Variants in SCFD2 observed in about 807,000 individuals in gnomAD.
SCFD2 encodes the protein sec1 family domain containing 2, also known as sec1 family domain-containing protein 2.
In SCFD2, 54 loss-of-function variants were observed where a neutral mutation model predicts 58.9. That is an observed-to-expected ratio of 0.92 (90% CI 0.74 to 1.15). The LOEUF (loss-of-function observed/expected upper bound fraction) is 1.15, where lower values mean the gene tolerates loss of function less well. SCFD2 is among the 50% of genes most tolerant of loss of function. The pLI, the probability that SCFD2 is intolerant of heterozygous loss-of-function variation, is 0.00. For synonymous variants in SCFD2, 321 were observed against 335.9 expected (o/e 0.96, Z 0.49); for missense variants, 805 against 836.6 (o/e 0.96, Z 0.47).
At position 53,122,064 on chromosome 4, in the gene SCFD2, T is replaced by A. The variant is rs1172232465; in HGVS notation, c.1561+23269A>T. 2.6e-5 allele frequency among the ~76,000 whole-genome samples: 4 copies of A among 152,254 alleles called. No homozygotes were observed. In the East Asian group the frequency reaches 7.7e-4, roughly 29 times the overall value. ...TAAACTTCCCCAGACTCACTCACTTTGATGCCAAGCAAAAAACATTCTGAA... is the reference window on the plus strand; with the variant it reads ...TAAACTTCCCCAGACTCACTCACTTAGATGCCAAGCAAAAAACATTCTGAA... On this transcript the variant is annotated intron_variant, in intron 5 of 8. Coordinates refer to ENST00000401642, the MANE Select transcript of SCFD2 (RefSeq NM_152540.4).
intron 1 of SCFD2, 75 bp from the exon 2 acceptor site, chr4:53,352,841 C>T: frequency 8.2e-7 from 1 of 1,219,710 alleles, no homozygotes; most frequent in Non-Finnish European, 1.2e-6. Flanking sequence ...TTTTATCACA[C>T]ACCTTCTATC....
chr4:52,880,779 G>A (rs746435952), intron 8 of SCFD2, among the ~76,000 whole-genome samples: 39 of 152,198 alleles, frequency 2.6e-4, no homozygotes, highest in Admixed American at 2.2e-3. Flanking sequence ...TGAGCTGGCC[G>A]TTCCCTGTAT....
chr4:53,003,039 C>T (rs1044603241), intron 5 of SCFD2, among the ~76,000 whole-genome samples: 3 of 152,314 alleles, frequency 2.0e-5, no homozygotes, highest in East Asian at 3.9e-4. Flanking sequence ...GGGGATGGTG[C>T]TAACCCATTC....
chr4:53,347,800 G>A lies in SCFD2; in HGVS notation c.1007+4798C>T, dbSNP rs60994495. ...ACATAATATTGTAGGCCATTGTGAG[G>A]TCTTGGCTTTCACCAAAAGGCATAC... is the stretch of plus-strand genomic sequence containing the variant. On this transcript the variant is annotated intron_variant, in intron 2 of 8. Transcript: ENST00000401642. Among the ~76,000 whole-genome samples, 932 of 152,304 alleles carry A rather than the reference G, an allele frequency of 6.1e-3. 11 individuals carry two copies. Among genetic ancestry groups the A allele is most frequent in the African/African-American group, 0.021 (881 of 41,564 alleles).
chr4:52,998,035 G>A (rs541716767), intron 5 of SCFD2, among the ~76,000 whole-genome samples: 1 of 152,274 alleles, frequency 6.6e-6, no homozygotes, highest in East Asian at 1.9e-4. Flanking sequence ...ACTTTTGAGT[G>A]GATGAAACCC....
chr4:53,332,450 A>T (rs1281798425), intron 2 of SCFD2, among the ~76,000 whole-genome samples: 1 of 152,074 alleles, frequency 6.6e-6, no homozygotes, highest in African/African-American at 2.4e-5. Flanking sequence ...AATATACGCA[A>T]ATCAATAAAT....
chr4:53,255,127 T>A (rs1730558627), intron 4 of SCFD2, among the ~76,000 whole-genome samples: 1 of 151,324 alleles, frequency 6.6e-6, no homozygotes, highest in Non-Finnish European at 1.5e-5. Context: ...CGCCTTGGCC[T>A]CCCAAAGTGC....
chr4:53,328,870 G>A (rs372064030), intron 2 of SCFD2, among the ~76,000 whole-genome samples: 7 of 152,350 alleles, frequency 4.6e-5, no homozygotes, highest in Admixed American at 2.0e-4. Flanking sequence ...GACAGTGGGC[G>A]CAGGTCAGTG....
intron 3 of SCFD2, among the ~76,000 whole-genome samples, chr4:53,301,635 A>G (rs1180302014): frequency 1.3e-5 from 2 of 152,228 alleles, no homozygotes; most frequent in Non-Finnish European, 2.9e-5. Flanking sequence ...AAAGCCTGGC[A>G]GAGACACAAC....
chr4:52,899,146 T>A (rs1405695251), intron 7 of SCFD2, among the ~76,000 whole-genome samples: 1 of 152,266 alleles, frequency 6.6e-6, no homozygotes, highest in Non-Finnish European at 1.5e-5. Context: ...GTAGCCCATT[T>A]ACATTTAAGG....
At chr4:53,239,198 A>G (rs981684019) in intron 4 of SCFD2, among the ~76,000 whole-genome samples, 13 of 151,814 alleles carry the variant, frequency 8.6e-5, no homozygotes, top group African/African-American at 3.1e-4. Flanking sequence ...GTCTCCACCA[A>G]AACCAGTCAG....
chr4:53,157,936 T>C (rs773804208), intron 4 of SCFD2, among the ~76,000 whole-genome samples: 1 of 152,220 alleles, frequency 6.6e-6, no homozygotes, highest in Non-Finnish European at 1.5e-5. Flanking sequence ...CAAAACTTAA[T>C]GTTCATGTAA....
intron 3 of SCFD2, among the ~76,000 whole-genome samples, chr4:53,288,614 A>G (rs999226426): frequency 3.3e-5 from 5 of 152,226 alleles, no homozygotes; most frequent in African/African-American, 1.2e-4. Flanking sequence ...TATGAAAAAA[A>G]CAAAACAAAA....
chr4:53,235,679 A>G (rs540313178), intron 4 of SCFD2, among the ~76,000 whole-genome samples: 4 of 152,224 alleles, frequency 2.6e-5, no homozygotes, highest in African/African-American at 7.2e-5. Context: ...GCAATTGTAA[A>G]TGCTCTGAGA....
At chr4:53,095,439 T>C (rs1421273830) in intron 5 of SCFD2, among the ~76,000 whole-genome samples, 1 of 152,076 alleles carries the variant, frequency 6.6e-6, no homozygotes, top group Admixed American at 6.6e-5. Context: ...TGATCTCTTT[T>C]TACCTCCTTC....
intron 4 of SCFD2, among the ~76,000 whole-genome samples, chr4:53,239,625 C>A (rs943693296): frequency 3.9e-5 from 6 of 152,130 alleles, no homozygotes; most frequent in Non-Finnish European, 7.4e-5. Context: ...GCTGGGATTA[C>A]AGGCATGTGC....
chr4:52,903,281 G>C (rs1242640188), intron 7 of SCFD2, among the ~76,000 whole-genome samples: 1 of 152,214 alleles, frequency 6.6e-6, no homozygotes, highest in Non-Finnish European at 1.5e-5. Context: ...GGCGAGGCAA[G>C]AGCGAGTGGG....
intron 2 of SCFD2, among the ~76,000 whole-genome samples, chr4:53,338,161 C>T (rs1275974750): frequency 1.3e-5 from 2 of 152,172 alleles, no homozygotes; most frequent in Non-Finnish European, 2.9e-5. Flanking sequence ...AGACTTCTGA[C>T]ATCCAGAACA....
At chr4:52,884,164 G>A (rs770799221) in intron 8 of SCFD2, among the ~76,000 whole-genome samples, 1 of 152,228 alleles carries the variant, frequency 6.6e-6, no homozygotes, top group Non-Finnish European at 1.5e-5. Flanking sequence ...AGGAGACTAG[G>A]CCAGCAAATA....
Sources: allele counts gnomAD v4.1 joint callset (sites outside exome capture counted in the v4.1 genomes callset), GRCh38; gene constraint gnomAD v4.1.1; transcripts MANE v1.5; gene names NCBI Gene and HGNC (gene_info 2026-07-23, HGNC 2026-07-21).